Variants in LIG1 observed in about 807,000 individuals in gnomAD.
The protein encoded by LIG1 is ligase I, DNA, ATP-dependent.
A neutral mutation model predicts 115.7 loss-of-function variants in LIG1; 70 were observed. The observed-to-expected ratio is 0.60, with a 90% CI of 0.50 to 0.74. The LOEUF (loss-of-function observed/expected upper bound fraction) is 0.74. LIG1 is among the 30% of genes least tolerant of loss of function. The pLI, the probability that LIG1 is intolerant of heterozygous loss-of-function variation, is 0.00. For missense variants in LIG1, 1,115 were observed against 1,225.6 expected, an observed-to-expected ratio of 0.91 and a Z score of 1.35; for synonymous variants, 487 against 495.3, an observed-to-expected ratio of 0.98 and a Z score of 0.22.
At position 48,135,774 on chromosome 19, in the gene LIG1, G is replaced by A. The variant is rs748220595; in HGVS notation, c.1429C>T (p.Pro477Ser). 6.2e-7 allele frequency: 1 copy of A among 1,613,894 alleles called. No homozygotes were observed. The highest frequency in any genetic ancestry group is 1.7e-5 in the Admixed American group (1 of 60,020). ...VSLTPPGQEF[P>S]PAMVDAGKGK... ...TTCCCAGCATCCACCATGGCTGGTGGGAATTCTAAGAAAAGACCCACCAGA... is the reference window on the plus strand; with the variant it reads ...TTCCCAGCATCCACCATGGCTGGTGAGAATTCTAAGAAAAGACCCACCAGA... Residue 477 changes from proline (P) to serine (S), a missense_variant, in exon 16 of 28, where the codon CCA (proline) becomes TCA (serine). Pro to Ser is a moderately conservative substitution (Grantham distance 74). Transcript: ENST00000263274.
At position 48,122,451 on chromosome 19, in the gene LIG1, TC is replaced by T. The variant is rs1335495501; in HGVS notation, c.2232+482del. ...TGCTCCCTGCACACGCAGAGGCTGC[TC>T]CTCCCTCAGGGTCTCTGCACCGGGG... On this transcript the variant is annotated intron_variant, in intron 23 of 27. Coordinates refer to ENST00000263274, the MANE Select transcript of LIG1 (RefSeq NM_000234.3). This position sits in a 1 kb window ranked among gnomAD's most constrained non-coding sequence, Gnocchi z 4.3. 6 of 229,554 alleles carry T rather than the reference TC, an allele frequency of 2.6e-5. 1 individual carries two copies. The South Asian group carries it at 3.9e-4, about 15-fold the overall frequency. 14.2% of individuals were successfully genotyped at this position (229,554 alleles called of 1,614,324 possible).
chr19:48,128,041 C>A (rs762575511), intron 19 of LIG1, 21 bp from the exon 20 acceptor site: 1 of 1,587,666 alleles, frequency 6.3e-7, no homozygotes, highest in Non-Finnish European at 8.7e-7. Flanking sequence ...AAGGGAGAGA[C>A]CCAGGGCCTG....
At chr19:48,120,081 G>T (rs933231031) in intron 24 of LIG1, 2 of 598,938 alleles carry the variant, frequency 3.3e-6, no homozygotes, top group Non-Finnish European at 4.2e-6. Context: ...TGACAATGTA[G>T]ATTGGTGGCC....
At chr19:48,149,689 G>C (rs940630701) in intron 9 of LIG1, 74 bp downstream of exon 9, 90 of 1,166,392 alleles carry the variant, frequency 7.7e-5, no homozygotes, top group Non-Finnish European at 1.1e-4. Context: ...AGCCTGAGCT[G>C]GGGGTGGGGC....
rs534165117 is a variant in LIG1 at position 48,157,878 on chromosome 19, C to T, written c.244-738G>A. 2.0e-5 allele frequency among the ~76,000 whole-genome samples: 3 copies of T among 152,314 alleles called. No homozygotes were observed. The East Asian group carries it at 5.8e-4, about 29-fold the overall frequency. On this transcript the variant is annotated intron_variant, in intron 4 of 27. Transcript: ENST00000263274. ...CATACAGTTTAGATGTTTGTTCCCT[C>T]CAGATCGCATGTTGCAATTTGGTCT...
intron 26 of LIG1, among the ~76,000 whole-genome samples, chr19:48,116,342 A>C (rs954187601): frequency 2.0e-5 from 3 of 151,740 alleles, no homozygotes; most frequent in African/African-American, 7.3e-5. Context: ...GCTACTCAGG[A>C]AGCTGAGGCA....
chr19:48,155,795 G>T (rs533277515), intron 5 of LIG1, among the ~76,000 whole-genome samples: 1 of 152,174 alleles, frequency 6.6e-6, no homozygotes, highest in South Asian at 2.1e-4. Flanking sequence ...TCGGCAACAT[G>T]ATCTGTGTAG....
rs1265448139 is a variant in LIG1 at position 48,135,877 on chromosome 19, C to A, written c.1424-98G>T. 14 of 1,274,476 alleles carry A rather than the reference C, an allele frequency of 1.1e-5. No homozygotes were observed. In the East Asian group the frequency reaches 2.8e-4, roughly 26 times the overall value. 78.9% of individuals were successfully genotyped at this position (1,274,476 alleles called of 1,614,324 possible). A position where few individuals can be genotyped will look rare whatever the true frequency, so the allele number is the denominator to read the frequency against. Reference sequence around the variant, plus strand: ...TGCTGTATGGCAAGGAATGCAGATGCCGCGGCCCAAGACGCCCCCTCCCCC... The same window carrying A: ...TGCTGTATGGCAAGGAATGCAGATGACGCGGCCCAAGACGCCCCCTCCCCC... On this transcript the variant is annotated intron_variant, in intron 15 of 27. Coordinates refer to ENST00000263274, the MANE Select transcript of LIG1 (RefSeq NM_000234.3).
chr19:48,151,154 A>T, intron 7 of LIG1, 78 bp downstream of exon 7: 1 of 823,950 alleles, frequency 1.2e-6, no homozygotes, highest in Non-Finnish European at 2.1e-6. Flanking sequence ...TGCCTTGTTT[A>T]AATTAATCAT....
At chr19:48,149,244 C>G (rs2035319262) in intron 9 of LIG1, among the ~76,000 whole-genome samples, 1 of 152,162 alleles carries the variant, frequency 6.6e-6, no homozygotes, top group Non-Finnish European at 1.5e-5. Context: ...CTGTGGTGAG[C>G]TGAGACAGCA....
At chr19:48,134,154 T>C in intron 16 of LIG1, 88 bp from the exon 17 acceptor site, 7 of 1,224,792 alleles carry the variant, frequency 5.7e-6, no homozygotes, top group Non-Finnish European at 8.2e-6. Context: ...CCCAGAAGCC[T>C]GGGCTCCTGG....
chr19:48,151,936 A>C (rs1331556856), intron 6 of LIG1, among the ~76,000 whole-genome samples: 1 of 151,626 alleles, frequency 6.6e-6, no homozygotes, highest in Non-Finnish European at 1.5e-5. Flanking sequence ...GTTATAGACA[A>C]AAATAAAAAT....
intron 18 of LIG1, among the ~76,000 whole-genome samples, chr19:48,132,051 G>A (rs947578026): frequency 2.7e-5 from 4 of 150,874 alleles, no homozygotes; most frequent in Non-Finnish European, 5.9e-5. Flanking sequence ...CAATTCTCCT[G>A]CCTCAGCCTC....
At chr19:48,161,012 C>T (rs2036142195) in intron 4 of LIG1, among the ~76,000 whole-genome samples, 1 of 152,200 alleles carries the variant, frequency 6.6e-6, no homozygotes, top group Non-Finnish European at 1.5e-5. Flanking sequence ...GCTGGGATTA[C>T]AGACGTAAGC....
intron 21 of LIG1, among the ~76,000 whole-genome samples, chr19:48,125,997 A>G (rs980531091): frequency 6.6e-6 from 1 of 151,750 alleles, no homozygotes; most frequent in Non-Finnish European, 1.5e-5. Flanking sequence ...CAAAAAAAAA[A>G]AAAAAAAAAG....
chr19:48,149,487 G>C (rs1037961830), intron 9 of LIG1, among the ~76,000 whole-genome samples: 1 of 152,158 alleles, frequency 6.6e-6, no homozygotes. Context: ...TCAGACTGAG[G>C]ATGAAAGACT....
At chr19:48,141,253 C>T (rs769631008) in intron 11 of LIG1, among the ~76,000 whole-genome samples, 4 of 152,234 alleles carry the variant, frequency 2.6e-5, no homozygotes, top group African/African-American at 7.2e-5. Context: ...GATTCTCCTC[C>T]GGAGTAGCCG....
At chr19:48,166,979 GAAAA>G (rs1303657587) in intron 1 of LIG1, among the ~76,000 whole-genome samples, 1 of 117,032 alleles carries the variant, frequency 8.5e-6, no homozygotes, top group Non-Finnish European at 1.7e-5. Context: ...AAAAAAGAAA[GAAAA>G]AGAAAGAAAA....
intron 12 of LIG1, among the ~76,000 whole-genome samples, chr19:48,138,352 C>G (rs886166514): frequency 6.6e-6 from 1 of 152,194 alleles, no homozygotes; most frequent in African/African-American, 2.4e-5. Flanking sequence ...CTACACCTAT[C>G]GAGATAACGC....
Sources: gnomAD v4.1 joint callset for allele counts (sites outside exome capture counted in the v4.1 genomes callset) on GRCh38, gnomAD v4.1.1 for gene constraint, Gnocchi (gnomAD v3.1) non-coding constraint, MANE v1.5 for transcripts, NCBI Gene and HGNC (gene_info 2026-07-23, HGNC 2026-07-21) for gene names.